CNTLN: variants seen among roughly 807,000 people sequenced by gnomAD.
The protein encoded by CNTLN is centlein, centrosomal protein.
In CNTLN, 212 loss-of-function variants were observed where a neutral mutation model predicts 180.0. That is an observed-to-expected ratio of 1.18 (90% CI 1.05 to 1.32). The LOEUF (loss-of-function observed/expected upper bound fraction) is 1.32, where lower values mean the gene tolerates loss of function less well. Among genes scored for constraint, CNTLN ranks in the 40% most tolerant of loss-of-function variants. The probability of loss-of-function intolerance (pLI) is 0.00; values close to 1 mark genes in which losing one functional copy is unlikely to be tolerated. For missense variants in CNTLN, 2,095 were observed against 1,610.9 expected (o/e 1.30, Z -5.14); for synonymous variants, 722 against 563.1 (o/e 1.28, Z -3.99).
chr9:17,207,790 T>C (rs1415135448), intron 2 of CNTLN, among the ~76,000 whole-genome samples: 1 of 152,132 alleles, frequency 6.6e-6, no homozygotes, highest in East Asian at 1.9e-4. Context: ...TATTTGGCTA[T>C]CTTTTCCCCT....
intron 12 of CNTLN, among the ~76,000 whole-genome samples, chr9:17,350,745 C>G (rs1328756385): frequency 6.6e-6 from 1 of 152,064 alleles, no homozygotes; most frequent in Admixed American, 6.5e-5. Flanking sequence ...GATTTCTCAT[C>G]TTAAAAAGCC....
chr9:17,340,722 C>T (rs1447884142), intron 10 of CNTLN, 105 bp from the exon 11 acceptor site: 6 of 900,692 alleles, frequency 6.7e-6, no homozygotes, highest in Non-Finnish European at 9.4e-6. Flanking sequence ...TGTTTACACA[C>T]TATTTTCTTT....
intron 1 of CNTLN, among the ~76,000 whole-genome samples, chr9:17,137,873 C>A (rs1035447060): frequency 1.3e-5 from 2 of 152,070 alleles, no homozygotes; most frequent in African/African-American, 4.8e-5. Flanking sequence ...GCATCTCATC[C>A]CACTCTAAGT....
At chr9:17,407,600 T>C (rs944265704) in intron 15 of CNTLN, among the ~76,000 whole-genome samples, 2 of 152,180 alleles carry the variant, frequency 1.3e-5, no homozygotes, top group Non-Finnish European at 2.9e-5. Context: ...GGGAGAAATA[T>C]GTGGCTTTAA....
At chr9:17,139,339 G>T (rs978832573) in intron 1 of CNTLN, among the ~76,000 whole-genome samples, 1 of 151,974 alleles carries the variant, frequency 6.6e-6, no homozygotes, top group Non-Finnish European at 1.5e-5. Flanking sequence ...GCCCGCCTTG[G>T]CCTCCCAAAG....
intron 18 of CNTLN, among the ~76,000 whole-genome samples, chr9:17,420,178 G>A (rs1274810566): frequency 6.6e-6 from 1 of 152,184 alleles, no homozygotes; most frequent in African/African-American, 2.4e-5. Context: ...GCCTCCCAAA[G>A]TGTAGCCATT....
intron 23 of CNTLN, among the ~76,000 whole-genome samples, chr9:17,469,273 CATTT>C (rs1422709990): frequency 6.6e-6 from 1 of 151,584 alleles, no homozygotes; most frequent in Non-Finnish European, 1.5e-5. Flanking sequence ...TTAGTAAGAC[CATTT>C]ATAACTCATG....
chr9:17,504,761 G>A (rs1164817063), downstream of CNTLN, among the ~76,000 whole-genome samples: 1 of 152,094 alleles, frequency 6.6e-6, no homozygotes, highest in Non-Finnish European at 1.5e-5. Flanking sequence ...CAAAGGATGT[G>A]GATGGCCCTT....
chr9:17,261,795 C>T (rs1827002190), intron 5 of CNTLN, among the ~76,000 whole-genome samples: 1 of 151,406 alleles, frequency 6.6e-6, no homozygotes, highest in Non-Finnish European at 1.5e-5. Context: ...AGTGAACAGT[C>T]AACCTACAGA....
intron 1 of CNTLN, among the ~76,000 whole-genome samples, chr9:17,138,974 C>T (rs1586885824): frequency 6.6e-6 from 1 of 151,704 alleles, no homozygotes; most frequent in Non-Finnish European, 1.5e-5. Context: ...TGTTTCATAG[C>T]CCAAGTTTAA....
chr9:17,453,845 C>T (rs189199151), intron 18 of CNTLN, among the ~76,000 whole-genome samples: 8 of 152,284 alleles, frequency 5.3e-5, no homozygotes, highest in Non-Finnish European at 8.8e-5. Flanking sequence ...TTAAAACCAA[C>T]GGGGGAATCT....
At chr9:17,346,314 C>T (rs918981379) in intron 12 of CNTLN, among the ~76,000 whole-genome samples, 1 of 151,942 alleles carries the variant, frequency 6.6e-6, no homozygotes, top group African/African-American at 2.4e-5. Flanking sequence ...ATGGGGAACA[C>T]ATGAGAACAC....
At chr9:17,476,900 T>C (rs932359136) in intron 23 of CNTLN, among the ~76,000 whole-genome samples, 2 of 152,228 alleles carry the variant, frequency 1.3e-5, no homozygotes, top group African/African-American at 4.8e-5. Flanking sequence ...AGCCTTCTAT[T>C]GGAAGAAGAT....
At chr9:17,368,591 TGGTGGTGGCCACAG>T (rs1824029748) in intron 13 of CNTLN, among the ~76,000 whole-genome samples, 1 of 152,164 alleles carries the variant, frequency 6.6e-6, no homozygotes, top group Non-Finnish European at 1.5e-5. Flanking sequence ...ATAGTCCCAG[TGGTGGTGGCCACAG>T]GGGTGCATTT....
chr9:17,165,849 A>G (rs566175185), intron 2 of CNTLN, among the ~76,000 whole-genome samples: 6 of 152,332 alleles, frequency 3.9e-5, no homozygotes, highest in South Asian at 2.1e-4. Context: ...CTCTGGAGAA[A>G]CTAAGCATCC....
chr9:17,189,766 C>T (rs1229399946), intron 2 of CNTLN, among the ~76,000 whole-genome samples: 2 of 152,028 alleles, frequency 1.3e-5, no homozygotes, highest in Non-Finnish European at 2.9e-5. Context: ...GGATTACAGA[C>T]GTGAGCCACC....
intron 2 of CNTLN, among the ~76,000 whole-genome samples, chr9:17,201,798 GA>G (rs1681561192): frequency 6.6e-6 from 1 of 151,642 alleles, no homozygotes; most frequent in Non-Finnish European, 1.5e-5. Context: ...TGGATTCATT[GA>G]TTTTTTTTTA....
chr9:17,451,314 A>G (rs1217995830), intron 18 of CNTLN, among the ~76,000 whole-genome samples: 3 of 152,196 alleles, frequency 2.0e-5, no homozygotes, highest in African/African-American at 7.2e-5. Context: ...TAGAAACACA[A>G]TAATAAGATT....
At chr9:17,230,667 A>T (rs554202886) in intron 3 of CNTLN, among the ~76,000 whole-genome samples, 1 of 152,006 alleles carries the variant, frequency 6.6e-6, no homozygotes, top group Admixed American at 6.6e-5. Context: ...GTAAGAAGAA[A>T]AGAATACTCT....
Sources: allele counts gnomAD v4.1 joint callset (sites outside exome capture counted in the v4.1 genomes callset), GRCh38; gene constraint gnomAD v4.1.1; transcripts MANE v1.5; gene names NCBI Gene and HGNC (gene_info 2026-07-23, HGNC 2026-07-21).